PTPN5: variants seen among roughly 807,000 people sequenced by gnomAD.
PTPN5 encodes the protein protein tyrosine phosphatase non-receptor type 5.
A neutral mutation model predicts 73.9 loss-of-function variants in PTPN5; 29 were observed. The observed-to-expected ratio is 0.39, with a 90% CI of 0.29 to 0.54. The LOEUF (loss-of-function observed/expected upper bound fraction) is 0.54, where lower values mean the gene tolerates loss of function less well. Among genes scored for constraint, PTPN5 ranks in the 20% least tolerant of loss-of-function variants. The probability of loss-of-function intolerance (pLI) is 0.65; values close to 1 mark genes in which losing one functional copy is unlikely to be tolerated. For missense variants in PTPN5, 652 were observed against 751.4 expected (o/e 0.87, Z 1.55); for synonymous variants, 267 against 304.7 (o/e 0.88, Z 1.29).
intron 1 of PTPN5, among the ~76,000 whole-genome samples, chr11:18,779,790 G>A (rs899665565): frequency 6.6e-6 from 1 of 152,166 alleles, no homozygotes. Flanking sequence ...CTGGTCCTCC[G>A]GGAAAAGGAT....
At chr11:18,767,190 C>T (rs1282689835) in intron 2 of PTPN5, among the ~76,000 whole-genome samples, 2 of 152,236 alleles carry the variant, frequency 1.3e-5, no homozygotes, top group Non-Finnish European at 2.9e-5. Flanking sequence ...TGCTATCCTG[C>T]TTCTTGGACT....
At chr11:18,781,140 G>A (rs1158741352) in intron 1 of PTPN5, among the ~76,000 whole-genome samples, 1 of 151,676 alleles carries the variant, frequency 6.6e-6, no homozygotes, top group African/African-American at 2.4e-5. Context: ...GATCTTTGCC[G>A]CACCCCCCCG....
intron 1 of PTPN5, among the ~76,000 whole-genome samples, chr11:18,781,963 C>T (rs1285102002): frequency 6.6e-6 from 1 of 152,190 alleles, no homozygotes; most frequent in South Asian, 2.1e-4. Context: ...CACTGCAGGG[C>T]AAAGGCCCGG....
At chr11:18,774,889 G>A (rs1021254937) in intron 1 of PTPN5, among the ~76,000 whole-genome samples, 11 of 152,196 alleles carry the variant, frequency 7.2e-5, no homozygotes, top group Non-Finnish European at 2.9e-5. Flanking sequence ...ATCTGAGAGA[G>A]AAAGGAAGCA....
rs144639862 is a variant in PTPN5 at position 18,737,485 on chromosome 11, C to T, written c.1000+395G>A. ...GGCCCAGGTCTGAAATTCAGCTCTG[C>T]ACTTCCTAGCTGTGGGACTGCAGGT... On this transcript the variant is annotated intron_variant, in intron 9 of 14. Coordinates refer to ENST00000358540, the MANE Select transcript of PTPN5 (RefSeq NM_006906.2). 3.3e-3 allele frequency among the ~76,000 whole-genome samples: 509 copies of T among 152,204 alleles called. 7 individuals carry two copies. The highest frequency in any genetic ancestry group is 0.012 in the African/African-American group (477 of 41,448).
rs1317149882 is a variant in PTPN5, at chr11:18,777,420, G to A, written c.-113-5349C>T. ...AGATGCATGGAAAATGTGTAGATCA[G>A]GGCCAGGAAGCTCCTAAAAATGTTA... On this transcript the variant is annotated intron_variant, in intron 1 of 14. Coordinates refer to ENST00000358540, the MANE Select transcript of PTPN5 (RefSeq NM_006906.2). Among the ~76,000 whole-genome samples, 4 of 118,634 alleles carry A rather than the reference G, an allele frequency of 3.4e-5. No homozygotes were observed. The South Asian group carries it at 8.1e-4, about 24-fold the overall frequency. 77.8% of individuals were successfully genotyped at this position (118,634 alleles called of 152,430 possible).
intron 3 of PTPN5, among the ~76,000 whole-genome samples, chr11:18,759,520 C>T (rs1399305588): frequency 6.6e-6 from 1 of 152,200 alleles, no homozygotes; most frequent in Non-Finnish European, 1.5e-5. Context: ...GACCAGTGGG[C>T]ACCTGGGATG....
upstream of PTPN5, chr11:18,792,341 A>G (rs1851966474): frequency 6.6e-6 from 1 of 152,330 alleles, no homozygotes; most frequent in African/African-American, 2.4e-5. Flanking sequence ...ACTAGGGCGC[A>G]TGCAATACCA....
Position 18,733,297 on chromosome 11 carries a change from T to C in PTPN5, c.1156A>G (p.Met386Val). Reference protein sequence around the residue: ...IVSTVADFWRMVWQEHTPIIV... With the variant: ...IVSTVADFWRVVWQEHTPIIV... The stretch of plus-strand genomic sequence containing the variant: ...ATGGGCGTGTGCTCCTGCCACACCA[T>C]GCGCCAGAAGTCGGCGACCGTGCTG... The change falls in exon 11 of 15, where the codon ATG becomes GTG. Residue 386 changes from methionine (M) to valine (V), a missense_variant. Physicochemically the swap from Met to Val is conservative, Grantham distance 21. This residue lies in a region of PTPN5 where 529 missense variants were observed against 573.9 expected (regional missense o/e 0.92). Transcript: ENST00000358540. This position sits in a 1 kb window ranked among gnomAD's most constrained non-coding sequence, Gnocchi z 4.3. The C allele has an allele frequency of 6.2e-7, 1 of 1,614,136 alleles. No homozygotes were observed. Among genetic ancestry groups the C allele is most frequent in the Non-Finnish European group, 8.5e-7 (1 of 1,180,014 alleles).
At chr11:18,776,606 A>T (rs1235841546) in intron 1 of PTPN5, among the ~76,000 whole-genome samples, 1 of 152,070 alleles carries the variant, frequency 6.6e-6, no homozygotes, top group African/African-American at 2.4e-5. Context: ...TATGAGGTAA[A>T]AAGTCATCCT....
chr11:18,747,240 T>A (rs1849684265), intron 3 of PTPN5, among the ~76,000 whole-genome samples: 2 of 151,522 alleles, frequency 1.3e-5, no homozygotes, highest in South Asian at 2.1e-4. Context: ...AACTTCCACC[T>A]CCTGGGTTCA....
intron 1 of PTPN5, among the ~76,000 whole-genome samples, chr11:18,790,393 C>T (rs1851862644): frequency 6.6e-6 from 1 of 152,058 alleles, no homozygotes; most frequent in Non-Finnish European, 1.5e-5. Context: ...GAGAAGAGGA[C>T]GAATCCTGGG....
At chr11:18,789,799 G>C (rs1375613313) in intron 1 of PTPN5, among the ~76,000 whole-genome samples, 2 of 152,200 alleles carry the variant, frequency 1.3e-5, no homozygotes, top group African/African-American at 4.8e-5. Context: ...TGGGGGAAAG[G>C]TGGGAGGTGG....
At chr11:18,730,285 C>T (rs543484688) in intron 12 of PTPN5, 24 of 249,606 alleles carry the variant, frequency 9.6e-5, no homozygotes, top group Non-Finnish European at 1.6e-4. Context: ...TCACACTCCC[C>T]GCTTCACTGC....
At chr11:18,759,230 A>G (rs1564912389) in intron 3 of PTPN5, among the ~76,000 whole-genome samples, 1 of 152,230 alleles carries the variant, frequency 6.6e-6, no homozygotes. Flanking sequence ...CATCACCGTC[A>G]CTATTAGCTA....
Position 18,777,161 on chromosome 11 carries a change from A to AAAAC in PTPN5, c.-113-5094_-113-5091dup, listed in dbSNP as rs141857802. 9.4e-3 allele frequency among the ~76,000 whole-genome samples: 1,429 copies of AAAAC among 151,866 alleles called. 20 individuals are homozygous for AAAAC. Among genetic ancestry groups the AAAAC allele is most frequent in the African/African-American group, 0.032 (1,308 of 41,406 alleles). On this transcript the variant is annotated intron_variant, in intron 1 of 14. Coordinates refer to ENST00000358540, the MANE Select transcript of PTPN5 (RefSeq NM_006906.2). Reference sequence around the variant, plus strand: ...GGGCGACAGAATGAGACTCCATCTCAAAACAAACAAACAAACAAACAACAC... The same window carrying AAAAC: ...GGGCGACAGAATGAGACTCCATCTCAAAACAAACAAACAAACAAACAAACAACAC...
rs1242713329 is a variant in PTPN5 at position 18,786,494 on chromosome 11, A to AC, written c.-114+5030dup. On this transcript the variant is annotated intron_variant, in intron 1 of 14. Coordinates refer to ENST00000358540, the MANE Select transcript of PTPN5 (RefSeq NM_006906.2). Reference sequence around the variant, plus strand: ...TGGGATTACAGGCGTGAGCCACCGCACCCGGCCTAGAATAGGGGGAATCTT... The same window carrying AC: ...TGGGATTACAGGCGTGAGCCACCGCACCCCGGCCTAGAATAGGGGGAATCTT... 3.3e-5 allele frequency among the ~76,000 whole-genome samples: 5 copies of AC among 152,282 alleles called. No homozygotes were observed. The East Asian group carries it at 9.6e-4, about 29-fold the overall frequency.
chr11:18,762,573 C>G (rs754012090), intron 3 of PTPN5, among the ~76,000 whole-genome samples: 1 of 152,174 alleles, frequency 6.6e-6, no homozygotes, highest in Non-Finnish European at 1.5e-5. Context: ...TCTTTCCCAT[C>G]CCCCTCTTCA....
intron 4 of PTPN5, 192 bp downstream of exon 4, chr11:18,743,814 C>T: frequency 1.5e-6 from 1 of 646,442 alleles, no homozygotes; most frequent in Non-Finnish European, 2.5e-6. Flanking sequence ...TGTGAGGTCT[C>T]AGATGCTGGT....
Sources: allele counts gnomAD v4.1 joint callset (sites outside exome capture counted in the v4.1 genomes callset), GRCh38; gene constraint gnomAD v4.1.1; regional missense constraint gnomAD v4.1.1; non-coding constraint Gnocchi (gnomAD v3.1); transcripts MANE v1.5; gene names NCBI Gene and HGNC (gene_info 2026-07-23, HGNC 2026-07-21).